LRP2: variants seen among roughly 807,000 people sequenced by gnomAD.
LRP2 encodes low-density lipoprotein receptor-related protein 2.
A neutral mutation model predicts 531.0 loss-of-function variants in LRP2; 172 were observed. The ratio of observed to expected loss-of-function variants is 0.32; its 90% CI spans 0.29 to 0.37. LRP2 has a LOEUF of 0.37. Among genes scored for constraint, LRP2 ranks in the 10% least tolerant of loss-of-function variants. The probability of loss-of-function intolerance (pLI) is 1.00; values close to 1 mark genes in which losing one functional copy is unlikely to be tolerated. For missense variants in LRP2, 5,167 were observed against 5,868.3 expected (o/e 0.88, Z 3.90); for synonymous variants, 1,992 against 2,027.6 (o/e 0.98, Z 0.47).
At chr2:169,211,715 T>C (rs1425199685) in intron 37 of LRP2, among the ~76,000 whole-genome samples, 3 of 152,130 alleles carry the variant, frequency 2.0e-5, no homozygotes, top group African/African-American at 7.2e-5. Context: ...GCAGATTCTC[T>C]GGCCCTACCC....
intron 48 of LRP2, 134 bp from the exon 49 acceptor site, chr2:169,188,399 T>C (rs1306582665): frequency 1.2e-6 from 1 of 819,774 alleles, no homozygotes; most frequent in East Asian, 2.6e-5. Flanking sequence ...ACCAGTGTCC[T>C]TGATCCCCTT....
chr2:169,205,768 C>T (rs529394692), intron 40 of LRP2, 131 bp from the exon 41 acceptor site: 87 of 993,356 alleles, frequency 8.8e-5, no homozygotes, highest in South Asian at 6.6e-4. Context: ...TTTCTACTTA[C>T]ACAACTTGTC....
intron 16 of LRP2, among the ~76,000 whole-genome samples, chr2:169,261,339 T>C (rs1690541353): frequency 6.6e-6 from 1 of 151,996 alleles, no homozygotes; most frequent in South Asian, 2.1e-4. Context: ...ATGATTTCTT[T>C]TTCTTTTTCT....
chr2:169,254,975 A>T lies in LRP2; in HGVS notation c.2770+1131T>A, dbSNP rs956132504. Among the ~76,000 whole-genome samples, 4 of 152,082 alleles carry T rather than the reference A, an allele frequency of 2.6e-5. No individual in the cohort carries two copies. The East Asian group carries it at 7.8e-4, about 29-fold the overall frequency. ...CATGAGCATTTTTTAAATACCACAC[A>T]CTCCTCCACAGATAAACAGACAGCA... On this transcript the variant is annotated intron_variant, in intron 19 of 78. Transcript: ENST00000649046.
At position 169,197,344 on chromosome 2, in the gene LRP2, AT is replaced by A. The variant is rs373599615; in HGVS notation, c.8579-315del. Among the ~76,000 whole-genome samples the A allele has an allele frequency of 6.7e-3, 1,014 of 152,240 alleles. 8 individuals are homozygous for A. Among genetic ancestry groups the A allele is most frequent in the Non-Finnish European group, 0.01 (714 of 68,012 alleles). ...ATCACAAATTATAAGTCTTGGTTTT[AT>A]TTTTTCTACTATAATGTAAGATTAA... On this transcript the variant is annotated intron_variant, in intron 45 of 78. Coordinates refer to ENST00000649046, the MANE Select transcript of LRP2 (RefSeq NM_004525.3).
chr2:169,216,576 G>A (rs1559022434), intron 34 of LRP2, 146 bp from the exon 35 acceptor site: 3 of 750,734 alleles, frequency 4.0e-6, no homozygotes, highest in African/African-American at 1.7e-5. Context: ...TGCATACAAC[G>A]TGGAGGGGTA....
rs183666893 is a variant in LRP2 at position 169,171,258 on chromosome 2, T to G, written c.11264-591A>C. Among the ~76,000 whole-genome samples, 301 of 152,322 alleles carry G rather than the reference T, an allele frequency of 2.0e-3. 5 individuals are homozygous for G. Among genetic ancestry groups the G allele is most frequent in the African/African-American group, 6.9e-3 (286 of 41,558 alleles). ...ATCGCAAGTGGTGATCACTTTTTTC[T>G]TCCAAAAGGTAAACAAAGTTAGAAT... On this transcript the variant is annotated intron_variant, in intron 58 of 78. Coordinates refer to ENST00000649046, the MANE Select transcript of LRP2 (RefSeq NM_004525.3).
chr2:169,281,494 G>A lies in LRP2; in HGVS notation c.1172-975C>T, dbSNP rs537890569. Among the ~76,000 whole-genome samples the A allele has an allele frequency of 7.1e-4, 108 of 151,958 alleles. 1 individual carries two copies. In the South Asian group the frequency reaches 0.017, roughly 24 times the overall value. On this transcript the variant is annotated intron_variant, in intron 10 of 78. Coordinates refer to ENST00000649046, the MANE Select transcript of LRP2 (RefSeq NM_004525.3). ...CCAGCACTTTGGGAGGCCAAGGCAG[G>A]TAAATTATGAGGTCAGGAGATCAAG...
intron 57 of LRP2, 87 bp downstream of exon 57, chr2:169,173,009 A>C: frequency 8.2e-5 from 115 of 1,394,124 alleles, no homozygotes; most frequent in Non-Finnish European, 1.0e-4. Flanking sequence ...TGACATGGGA[A>C]ATACACTCTC....
intron 31 of LRP2, among the ~76,000 whole-genome samples, chr2:169,227,373 A>C (rs1463557915): frequency 1.3e-5 from 2 of 152,234 alleles, no homozygotes; most frequent in Non-Finnish European, 2.9e-5. Context: ...TTGTAATTTA[A>C]ACATTCCCAT....
At chr2:169,173,007 GAAATA>G in intron 57 of LRP2, 84 bp downstream of exon 57, 6 of 1,503,718 alleles carry the variant, frequency 4.0e-6, no homozygotes, top group East Asian at 2.3e-5. Flanking sequence ...GATGACATGG[GAAATA>G]CACTCTCATC....
chr2:169,304,878 G>A (rs1289101212), intron 4 of LRP2, among the ~76,000 whole-genome samples: 2 of 152,084 alleles, frequency 1.3e-5, no homozygotes, highest in Admixed American at 6.6e-5. Flanking sequence ...GGAATACTAC[G>A]CAGCCCTAAA....
chr2:169,193,633 G>T, intron 47 of LRP2, 128 bp downstream of exon 47: 1 of 1,165,022 alleles, frequency 8.6e-7, no homozygotes, highest in Non-Finnish European at 1.3e-6. Context: ...AGAAACAAAG[G>T]TAACATTCTA....
In LRP2 at chr2:169,207,164, TAAG is replaced by T. The variant is rs775167065; in HGVS notation, c.6553_6555del (p.Leu2185del). The stretch of plus-strand genomic sequence containing the variant: ...TGCCTAGGCATGTCCACTGTGACTT[TAAG>T]AAGAACACGGCGGTAAGTAGTATTG... On this transcript the variant is annotated inframe_deletion, in exon 39 of 79. Coordinates refer to ENST00000649046, the MANE Select transcript of LRP2 (RefSeq NM_004525.3). The T allele has an allele frequency of 3.1e-6, 5 of 1,613,602 alleles. No homozygotes were observed. In the South Asian group the frequency reaches 3.3e-5, roughly 11 times the overall value.
chr2:169,265,336 C>T (rs35853478), intron 16 of LRP2, among the ~76,000 whole-genome samples: 10,699 of 152,080 alleles, frequency 0.07, 475 homozygotes, highest in African/African-American at 0.14. Flanking sequence ...GCCTGAAGCT[C>T]ACCAGCTGAC....
intron 12 of LRP2, 58 bp from the exon 13 acceptor site, chr2:169,278,009 T>A: frequency 7.0e-7 from 1 of 1,418,792 alleles, no homozygotes; most frequent in East Asian, 2.3e-5. Context: ...AACCTGGGAA[T>A]TTTTTTTAAC....
chr2:169,221,334 G>C (rs1037920941), intron 33 of LRP2, among the ~76,000 whole-genome samples: 2 of 152,112 alleles, frequency 1.3e-5, no homozygotes, highest in Admixed American at 1.3e-4. Context: ...AATTCTGTGA[G>C]GTAGATCCCA....
intron 1 of LRP2, among the ~76,000 whole-genome samples, chr2:169,330,199 C>T (rs1685228479): frequency 6.6e-6 from 1 of 152,216 alleles, no homozygotes; most frequent in African/African-American, 2.4e-5. Context: ...ATCCTAGTGA[C>T]CAGCCCCCAC....
intron 44 of LRP2, among the ~76,000 whole-genome samples, chr2:169,201,280 T>C (rs551770042): frequency 8.5e-5 from 13 of 152,302 alleles, no homozygotes; most frequent in African/African-American, 3.1e-4. Context: ...TAAAAATACA[T>C]TTTGGGGATA....
Sources: gnomAD v4.1 joint callset for allele counts (sites outside exome capture counted in the v4.1 genomes callset) on GRCh38, gnomAD v4.1.1 for gene constraint, MANE v1.5 for transcripts, NCBI Gene and HGNC (gene_info 2026-07-23, HGNC 2026-07-21) for gene names.